LIN52: variants seen among roughly 807,000 people sequenced by gnomAD.
LIN52 encodes protein lin-52 homolog.
LIN52 carries 4 observed loss-of-function variants against 18.5 expected under a neutral mutation model. The observed-to-expected ratio is 0.22, with a 90% CI of 0.11 to 0.49. The LOEUF is 0.49. LIN52 is among the 20% of genes least tolerant of loss of function. LIN52 has a pLI of 0.97. For synonymous variants in LIN52, 34 were observed against 45.5 expected, an observed-to-expected ratio of 0.75 and a Z score of 1.02; for missense variants, 102 against 139.5, an observed-to-expected ratio of 0.73 and a Z score of 1.35.
intron 5 of LIN52, 53 bp from the exon 6 acceptor site, chr14:74,198,869 C>A (rs768349117): frequency 7.7e-7 from 1 of 1,305,846 alleles, no homozygotes; most frequent in Non-Finnish European, 1.1e-6. Flanking sequence ...TCCTATGATT[C>A]TTTTTTCCGA....
intron 5 of LIN52, among the ~76,000 whole-genome samples, chr14:74,169,378 C>CT (rs1486542990): frequency 2.0e-5 from 3 of 152,234 alleles, no homozygotes; most frequent in Admixed American, 2.0e-4. Context: ...AGTTACCTTC[C>CT]TTTTCTGTGT....
At chr14:74,125,538 T>A (rs560301827) in intron 5 of LIN52, among the ~76,000 whole-genome samples, 1 of 152,262 alleles carries the variant, frequency 6.6e-6, no homozygotes, top group South Asian at 2.1e-4. Context: ...ACGAGTAGAT[T>A]GCAAAAATTT....
chr14:74,168,288 C>T (rs1487507405), intron 5 of LIN52, among the ~76,000 whole-genome samples: 1 of 152,118 alleles, frequency 6.6e-6, no homozygotes, highest in Non-Finnish European at 1.5e-5. Context: ...TCTTACAGTC[C>T]TCTCTGTTAT....
intron 5 of LIN52, among the ~76,000 whole-genome samples, chr14:74,152,527 TAC>T (rs1304873961): frequency 1.3e-5 from 2 of 152,180 alleles, no homozygotes; most frequent in East Asian, 3.9e-4. Flanking sequence ...GTCGCCATTT[TAC>T]AGTTGGCAAA....
chr14:74,171,635 G>C (rs573166303), intron 5 of LIN52, among the ~76,000 whole-genome samples: 1 of 151,684 alleles, frequency 6.6e-6, no homozygotes, highest in Non-Finnish European at 1.5e-5. Context: ...AGTAATGAAC[G>C]GTTATATAAG....
intron 5 of LIN52, among the ~76,000 whole-genome samples, chr14:74,139,543 T>C (rs925979964): frequency 1.3e-5 from 2 of 152,190 alleles, no homozygotes; most frequent in Admixed American, 6.5e-5. Context: ...ACCTTTTTTT[T>C]TCCCCCTCCC....
intron 5 of LIN52, among the ~76,000 whole-genome samples, chr14:74,177,967 C>T (rs373543237): frequency 4.0e-5 from 6 of 151,868 alleles, no homozygotes; most frequent in African/African-American, 9.7e-5. Flanking sequence ...TTGGTAGAGA[C>T]GGGGTTTCAT....
intron 2 of LIN52, among the ~76,000 whole-genome samples, chr14:74,095,056 T>C (rs931831623): frequency 6.6e-6 from 1 of 151,806 alleles, no homozygotes; most frequent in African/African-American, 2.4e-5. Context: ...GATAGCTTAC[T>C]GCAGCCTCCA....
Position 74,162,621 on chromosome 14 carries a change from T to A in LIN52, c.284-36301T>A, listed in dbSNP as rs1196651885. Among the ~76,000 whole-genome samples, 5 of 152,016 alleles carry A rather than the reference T, an allele frequency of 3.3e-5. No homozygotes were observed. The East Asian group carries it at 9.6e-4, about 29-fold the overall frequency. ...GTTGCCCAGGCTGGTCTCAAACTCA[T>A]GGGCTCAAGGGATCCACCCACCTCA... On this transcript the variant is annotated intron_variant, in intron 5 of 5. Transcript: ENST00000555028.
chr14:74,127,403 G>A (rs556707570), intron 5 of LIN52, among the ~76,000 whole-genome samples: 3 of 152,332 alleles, frequency 2.0e-5, no homozygotes, highest in African/African-American at 7.2e-5. Context: ...GTGGGAAGGT[G>A]CACAGTGTCT....
chr14:74,103,739 T>G (rs1251540415), intron 5 of LIN52, among the ~76,000 whole-genome samples: 8 of 39,586 alleles, frequency 2.0e-4, no homozygotes, highest in African/African-American at 9.0e-4. Flanking sequence ...GCCAGTTTTT[T>G]TTTTTTTTTT....
intron 5 of LIN52, among the ~76,000 whole-genome samples, chr14:74,196,559 A>G (rs2078913350): frequency 6.6e-6 from 1 of 152,112 alleles, no homozygotes; most frequent in South Asian, 2.1e-4. Context: ...TTGAGAGTAG[A>G]CAGATAACCC....
chr14:74,157,186 C>T (rs1006091429), intron 5 of LIN52, among the ~76,000 whole-genome samples: 12 of 151,822 alleles, frequency 7.9e-5, no homozygotes, highest in African/African-American at 2.9e-4. Flanking sequence ...GCATGTGCCA[C>T]CACACCCAGC....
Position 74,201,058 on chromosome 14 carries a change from G to C in LIN52, c.*2081G>C, listed in dbSNP as rs1003592593. 1 of 152,178 alleles carries C rather than the reference G, an allele frequency of 6.6e-6. No individual in the cohort carries two copies. Among genetic ancestry groups the C allele is most frequent in the Non-Finnish European group, 1.5e-5 (1 of 68,032 alleles). The allele number at this position is 152,178 out of a possible 1,614,324, so 9.4% of individuals were successfully genotyped here. A position where few individuals can be genotyped will look rare whatever the true frequency, so the allele number is the denominator to read the frequency against. On this transcript the variant is annotated 3_prime_UTR_variant, in exon 6 of 6. Coordinates refer to ENST00000555028, the MANE Select transcript of LIN52 (RefSeq NM_001024674.3). ...GCACTTAATGTAAGTAGATGTTTTA[G>C]AATTGCAATATTTATTGGTTTAGTA...
At chr14:74,168,563 G>T (rs941237352) in intron 5 of LIN52, among the ~76,000 whole-genome samples, 7 of 152,096 alleles carry the variant, frequency 4.6e-5, no homozygotes, top group Non-Finnish European at 1.0e-4. Flanking sequence ...AGCTACTCGG[G>T]AGGCTGAGGC....
At chr14:74,136,555 G>C (rs535483750) in intron 5 of LIN52, among the ~76,000 whole-genome samples, 2 of 152,184 alleles carry the variant, frequency 1.3e-5, no homozygotes, top group Non-Finnish European at 2.9e-5. Flanking sequence ...TTCTGCTGCT[G>C]TCAGCTGTTA....
chr14:74,114,944 AC>A (rs773465787), intron 5 of LIN52, among the ~76,000 whole-genome samples: 8 of 152,132 alleles, frequency 5.3e-5, no homozygotes, highest in Non-Finnish European at 8.8e-5. Flanking sequence ...TCGGTTCCCT[AC>A]CTATGAACTT....
intron 5 of LIN52, chr14:74,114,278 TC>T (rs2060950260): frequency 2.0e-6 from 2 of 985,208 alleles, no homozygotes; most frequent in Non-Finnish European, 2.4e-6. Flanking sequence ...CATTAAAAGT[TC>T]TACCACTGAA....
At chr14:74,159,567 G>GTTTTTTTT (rs11288935) in intron 5 of LIN52, among the ~76,000 whole-genome samples, 2 of 133,590 alleles carry the variant, frequency 1.5e-5, no homozygotes, top group African/African-American at 2.9e-5. Context: ...TGTGGGGTTT[G>GTTTTTTTT]TTTTTTTTTT....
Sources: gnomAD v4.1 joint callset for allele counts (sites outside exome capture counted in the v4.1 genomes callset) on GRCh38, gnomAD v4.1.1 for gene constraint, MANE v1.5 for transcripts, NCBI Gene and HGNC (gene_info 2026-07-23, HGNC 2026-07-21) for gene names.